BCAT1: variants seen among roughly 807,000 people sequenced by gnomAD.
BCAT1 encodes the protein branched chain amino acid transaminase 1.
In BCAT1, 48 loss-of-function variants were observed where a neutral mutation model predicts 52.4. That is an observed-to-expected ratio of 0.92 (90% CI 0.73 to 1.16). The LOEUF (loss-of-function observed/expected upper bound fraction) is 1.16. BCAT1 is among the 50% of genes most tolerant of loss of function. BCAT1 has a pLI of 0.00. For missense variants in BCAT1, 451 were observed against 457.1 expected (o/e 0.99, Z 0.12); for synonymous variants, 167 against 161.3 (o/e 1.04, Z -0.27).
chr12:24,872,187 G>T (rs1423610691), intron 5 of BCAT1, among the ~76,000 whole-genome samples: 2 of 152,206 alleles, frequency 1.3e-5, no homozygotes, highest in African/African-American at 4.8e-5. Flanking sequence ...GAATTGATAT[G>T]ATTACAGGCT....
chr12:24,864,475 G>A (rs1018422358), intron 5 of BCAT1, among the ~76,000 whole-genome samples: 20 of 152,294 alleles, frequency 1.3e-4, no homozygotes, highest in Middle Eastern at 3.4e-3. Context: ...GTGTGTGACC[G>A]TGCAAGGTGG....
intron 5 of BCAT1, among the ~76,000 whole-genome samples, chr12:24,862,838 G>T (rs1941886073): frequency 6.6e-6 from 1 of 151,594 alleles, no homozygotes; most frequent in African/African-American, 2.4e-5. Context: ...AAAAAAATCT[G>T]ATGCTAGTCC....
chr12:24,866,379 C>CG (rs1942009654), intron 5 of BCAT1, among the ~76,000 whole-genome samples: 1 of 152,252 alleles, frequency 6.6e-6, no homozygotes. Context: ...CCTCCCGCCC[C>CG]CCGCCACCGC....
intron 2 of BCAT1, among the ~76,000 whole-genome samples, chr12:24,896,296 G>A (rs1393052288): frequency 6.6e-6 from 1 of 152,138 alleles, no homozygotes; most frequent in African/African-American, 2.4e-5. Flanking sequence ...TCTGGACTAG[G>A]TAGGGGGTCA....
At chr12:24,866,002 C>G (rs921229649) in intron 5 of BCAT1, among the ~76,000 whole-genome samples, 6 of 152,252 alleles carry the variant, frequency 3.9e-5, no homozygotes, top group African/African-American at 1.4e-4. Flanking sequence ...CAGCCTGCCG[C>G]TGCACTGTGG....
chr12:24,887,283 T>TA (rs1942709583), intron 3 of BCAT1, among the ~76,000 whole-genome samples: 1 of 151,138 alleles, frequency 6.6e-6, no homozygotes, highest in South Asian at 2.1e-4. Context: ...TGGGAACAGA[T>TA]ATGGAGTGGA....
At chr12:24,906,046 G>A (rs758089645) in intron 1 of BCAT1, among the ~76,000 whole-genome samples, 1 of 151,532 alleles carries the variant, frequency 6.6e-6, no homozygotes, top group Non-Finnish European at 1.5e-5. Flanking sequence ...AAAATTAGCC[G>A]GGCTCGGTGG....
At chr12:24,875,171 G>A (rs1314822517) in intron 5 of BCAT1, among the ~76,000 whole-genome samples, 1 of 152,132 alleles carries the variant, frequency 6.6e-6, no homozygotes, top group Non-Finnish European at 1.5e-5. Context: ...ACTGGCACCA[G>A]TCTTCCAGCC....
chr12:24,908,931 A>T (rs556633987), intron 1 of BCAT1, among the ~76,000 whole-genome samples: 1 of 152,196 alleles, frequency 6.6e-6, no homozygotes, highest in African/African-American at 2.4e-5. Context: ...AACTCAGAGT[A>T]AGTAATGGGC....
At chr12:24,881,633 G>A (rs1302371830) in intron 3 of BCAT1, among the ~76,000 whole-genome samples, 1 of 152,154 alleles carries the variant, frequency 6.6e-6, no homozygotes, top group African/African-American at 2.4e-5. Context: ...AATTTGGTAG[G>A]AATTCCGAGT....
In BCAT1 at chr12:24,841,802, G is replaced by A. The variant is rs549919008; in HGVS notation, c.817+280C>T. Among the ~76,000 whole-genome samples the A allele has an allele frequency of 1.6e-3, 243 of 152,140 alleles. 1 individual carries two copies. The highest frequency in any genetic ancestry group is 4.8e-3 in the East Asian group (25 of 5,176). The stretch of plus-strand genomic sequence containing the variant: ...CAGGCTCCTGCAATCCCAGCTACTC[G>A]GGAGGCTGAGGCAGGAGAATTGCTT... On this transcript the variant is annotated intron_variant, in intron 7 of 10. Coordinates refer to ENST00000261192, the MANE Select transcript of BCAT1 (RefSeq NM_005504.7).
Position 24,810,109 on chromosome 12 carries a change from G to A in BCAT1, c.*7899C>T, listed in dbSNP as rs1440544509. ...AGTGACAAAGACCTTTGGAGAGAAT[G>A]ATCATGGGTTTTGATCAACACTGTC... On this transcript the variant is annotated 3_prime_UTR_variant, in exon 11 of 11. Transcript: ENST00000261192. 2 of 152,186 alleles carry A rather than the reference G, an allele frequency of 1.3e-5. No individual in the cohort carries two copies. The highest frequency in any genetic ancestry group is 4.8e-5 in the African/African-American group (2 of 41,428). 9.4% of individuals were successfully genotyped at this position (152,186 alleles called of 1,614,324 possible).
chr12:24,829,413 G>A (rs1940551696), intron 10 of BCAT1, among the ~76,000 whole-genome samples: 1 of 152,072 alleles, frequency 6.6e-6, no homozygotes. Context: ...AAAATTAACA[G>A]TGATTATATC....
chr12:24,925,763 T>A (rs1943568907), intron 1 of BCAT1, among the ~76,000 whole-genome samples: 1 of 152,220 alleles, frequency 6.6e-6, no homozygotes, highest in Admixed American at 6.5e-5. Flanking sequence ...CTGGTTTTCG[T>A]ATTTTTTTGG....
chr12:24,867,194 T>C (rs1942045507), intron 5 of BCAT1, among the ~76,000 whole-genome samples: 1 of 151,866 alleles, frequency 6.6e-6, no homozygotes, highest in African/African-American at 2.4e-5. Flanking sequence ...CATCTGAACA[T>C]CAGAAGGAAC....
At chr12:24,826,220 G>A (rs1940392516) in intron 10 of BCAT1, among the ~76,000 whole-genome samples, 1 of 152,116 alleles carries the variant, frequency 6.6e-6, no homozygotes, top group African/African-American at 2.4e-5. Flanking sequence ...TTAGACCAAT[G>A]TCCTGAAGCA....
At chr12:24,927,298 A>C (rs1480410011) in intron 1 of BCAT1, among the ~76,000 whole-genome samples, 1 of 152,014 alleles carries the variant, frequency 6.6e-6, no homozygotes, top group Non-Finnish European at 1.5e-5. Context: ...ACAAAGTGAG[A>C]CTCTGTCTCG....
intron 1 of BCAT1, among the ~76,000 whole-genome samples, chr12:24,908,893 T>C (rs1943269346): frequency 6.6e-6 from 1 of 152,242 alleles, no homozygotes; most frequent in Non-Finnish European, 1.5e-5. Context: ...TTTGGCAAAT[T>C]ACTAACCTCT....
At chr12:24,907,844 T>A (rs1050514311) in intron 1 of BCAT1, among the ~76,000 whole-genome samples, 1 of 152,142 alleles carries the variant, frequency 6.6e-6, no homozygotes, top group African/African-American at 2.4e-5. Flanking sequence ...CTTTGCTGAC[T>A]CTCTTTTCAG....
Sources: gnomAD v4.1 joint callset for allele counts (sites outside exome capture counted in the v4.1 genomes callset) on GRCh38, gnomAD v4.1.1 for gene constraint, MANE v1.5 for transcripts, NCBI Gene and HGNC (gene_info 2026-07-23, HGNC 2026-07-21) for gene names.